GNB1: variants seen among roughly 807,000 people sequenced by gnomAD.
GNB1 encodes G protein subunit beta 1.
GNB1 carries 2 observed loss-of-function variants against 42.9 expected under a neutral mutation model. The observed-to-expected ratio is 0.05, with a 90% confidence interval of 0.02 to 0.15. GNB1 has a LOEUF of 0.15. Ranked by LOEUF, GNB1 falls within the 10% of genes least tolerant of loss-of-function variation. GNB1 has a pLI of 1.00. For synonymous variants in GNB1, 183 were observed against 174.7 expected (o/e 1.05, Z -0.38); for missense variants, 193 against 462.2 (o/e 0.42, Z 5.34).
intron 6 of GNB1, among the ~76,000 whole-genome samples, chr1:1,805,483 C>T (rs760893599): frequency 4.6e-5 from 7 of 152,112 alleles, no homozygotes; most frequent in African/African-American, 1.2e-4. Flanking sequence ...AAAACCCACA[C>T]GTATTGGAAG....
chr1:1,868,772 T>G (rs1173783995), intron 1 of GNB1, among the ~76,000 whole-genome samples: 3 of 146,442 alleles, frequency 2.0e-5, no homozygotes. Flanking sequence ...AGAGTGAGAC[T>G]CCATCTCAAA....
chr1:1,817,621 A>G, intron 4 of GNB1: 1 of 447,840 alleles, frequency 2.2e-6, no homozygotes, highest in South Asian at 4.2e-5. Flanking sequence ...TAACAGGTAG[A>G]TGATTATTCA....
rs566999192 is a variant in GNB1, at chr1:1,828,293, C to T, written c.-46-2794G>A. On this transcript the variant is annotated intron_variant, in intron 2 of 11. Coordinates refer to ENST00000378609, the MANE Select transcript of GNB1 (RefSeq NM_002074.5). ...CCGAGATCTTGCCATTGCACTCCAG[C>T]CTGAGCAACAACAGCGAAACTCTGT... is the stretch of plus-strand genomic sequence containing the variant. Among the ~76,000 whole-genome samples, 298 of 152,234 alleles carry T rather than the reference C, an allele frequency of 2.0e-3. 1 individual carries two copies. The highest frequency in any genetic ancestry group is 3.9e-3 in the South Asian group (19 of 4,822).
chr1:1,792,903 T>C (rs1646500704), intron 8 of GNB1, among the ~76,000 whole-genome samples: 1 of 151,826 alleles, frequency 6.6e-6, no homozygotes, highest in South Asian at 2.1e-4. Flanking sequence ...TGGTCTCTAC[T>C]AAAAATACAA....
At chr1:1,867,653 C>T (rs928611339) in intron 1 of GNB1, among the ~76,000 whole-genome samples, 1 of 151,986 alleles carries the variant, frequency 6.6e-6, no homozygotes, top group African/African-American at 2.4e-5. Flanking sequence ...AAATAATAAC[C>T]CTTTATCATA....
At position 1,787,992 on chromosome 1, in the gene GNB1, G is replaced by C. The variant is rs575400837; in HGVS notation, c.917-555C>G. 6.7e-6 allele frequency: 1 copy of C among 149,168 alleles called. No individual in the cohort carries two copies. Among genetic ancestry groups the C allele is most frequent in the East Asian group, 2.0e-4 (1 of 5,092 alleles). 9.2% of individuals were successfully genotyped at this position (149,168 alleles called of 1,614,324 possible). On this transcript the variant is annotated intron_variant, in intron 10 of 11. Transcript: ENST00000378609. This position sits in a 1 kb window ranked among gnomAD's most constrained non-coding sequence, Gnocchi z 4.4. ...TGCAGTGAGCCAAGATCGTGCCAGT[G>C]CTCTCCAGCCTGGGCGACAGAGCGA...
intron 5 of GNB1, among the ~76,000 whole-genome samples, chr1:1,808,397 A>C (rs1646731171): frequency 6.6e-6 from 1 of 152,300 alleles, no homozygotes. Flanking sequence ...ACAAAGGAGA[A>C]TATGAATAAG....
intron 1 of GNB1, among the ~76,000 whole-genome samples, chr1:1,866,737 G>A (rs964484280): frequency 6.7e-6 from 1 of 148,720 alleles, no homozygotes; most frequent in African/African-American, 2.5e-5. Context: ...GGCAGATCAC[G>A]AGGTCAGGAG....
At chr1:1,815,464 C>CA (rs1646841073) in intron 5 of GNB1, among the ~76,000 whole-genome samples, 1 of 152,136 alleles carries the variant, frequency 6.6e-6, no homozygotes, top group Admixed American at 6.6e-5. Flanking sequence ...ACTGGGAAGA[C>CA]AGAGGTCTAG....
intron 7 of GNB1, among the ~76,000 whole-genome samples, chr1:1,802,217 G>A (rs554300467): frequency 4.6e-5 from 7 of 152,196 alleles, no homozygotes; most frequent in African/African-American, 1.7e-4. Flanking sequence ...ATCAGGCCGA[G>A]ATACAACAAA....
chr1:1,845,738 G>A (rs985189041), intron 1 of GNB1, among the ~76,000 whole-genome samples: 1 of 151,782 alleles, frequency 6.6e-6, no homozygotes, highest in Non-Finnish European at 1.5e-5. Context: ...GCAAGGAATG[G>A]CCCCCTGGGG....
At chr1:1,789,321 T>C (rs572922007) in intron 9 of GNB1, 52 bp from the exon 10 acceptor site, 10 of 1,020,370 alleles carry the variant, frequency 9.8e-6, no homozygotes, top group East Asian at 4.9e-5. Flanking sequence ...GAAAGAAACA[T>C]TGGGAATATG....
intron 1 of GNB1, among the ~76,000 whole-genome samples, chr1:1,864,337 G>GAAAAAAAAAAA (rs1245850367): frequency 2.2e-5 from 2 of 91,160 alleles, no homozygotes; most frequent in Admixed American, 1.5e-4. Context: ...AAAAAAAAAA[G>GAAAAAAAAAAA]AAGAAAACCC....
intron 1 of GNB1, among the ~76,000 whole-genome samples, chr1:1,856,321 G>A (rs111262701): frequency 2.6e-5 from 4 of 152,072 alleles, no homozygotes; most frequent in Non-Finnish European, 5.9e-5. Context: ...ATGGGGTCTC[G>A]CTATGTTGCC....
intron 6 of GNB1, among the ~76,000 whole-genome samples, chr1:1,804,833 G>T (rs1646674423): frequency 6.6e-6 from 1 of 152,208 alleles, no homozygotes. Context: ...TTATGATTAG[G>T]TGGAGTCTTA....
chr1:1,883,947 CTAATTA>C (rs987422454), intron 1 of GNB1, among the ~76,000 whole-genome samples: 1 of 150,252 alleles, frequency 6.7e-6, no homozygotes, highest in African/African-American at 2.5e-5. Flanking sequence ...ACATGCTCAT[CTAATTA>C]TAAAGTGTCC....
intron 1 of GNB1, among the ~76,000 whole-genome samples, chr1:1,877,344 G>C (rs568018842): frequency 7.0e-4 from 103 of 147,522 alleles, no homozygotes; most frequent in Non-Finnish European, 8.4e-4. Context: ...CACACACACA[G>C]AGTGGGACCC....
chr1:1,874,938 G>A (rs1649458988), intron 1 of GNB1, among the ~76,000 whole-genome samples: 1 of 152,154 alleles, frequency 6.6e-6, no homozygotes, highest in Admixed American at 6.6e-5. Context: ...GATGGTTTTG[G>A]GATGAAACTG....
At position 1,787,520 on chromosome 1, in the gene GNB1, G is replaced by T; in HGVS notation, c.917-83C>A. On this transcript the variant is annotated intron_variant, in intron 10 of 11. Transcript: ENST00000378609. The surrounding 1 kb of genome is among the most constrained non-coding windows in gnomAD (Gnocchi z 4.4). ...GTGCCATGTTGTGACGAGGACGGAT[G>T]GTGCATCTCTCATGGGACAAGACCC... 1 of 805,560 alleles carries T rather than the reference G, an allele frequency of 1.2e-6. No homozygotes were observed. The highest frequency in any genetic ancestry group is 2.1e-5 in the Admixed American group (1 of 47,622). The allele number at this position is 805,560 out of a possible 1,614,324, so 49.9% of individuals were successfully genotyped here.
Sources: gnomAD v4.1 joint callset for allele counts (sites outside exome capture counted in the v4.1 genomes callset) on GRCh38, gnomAD v4.1.1 for gene constraint, Gnocchi (gnomAD v3.1) non-coding constraint, MANE v1.5 for transcripts, NCBI Gene and HGNC (gene_info 2026-07-23, HGNC 2026-07-21) for gene names.